The following MFHAS1 variants were observed in gnomAD, a reference collection of about 807,000 sequenced individuals.
MFHAS1 encodes the protein malignant fibrous histiocytoma-amplified sequence 1.
Under a neutral mutation model 70.4 loss-of-function variants are expected in MFHAS1, and 50 were observed. The observed-to-expected ratio is 0.71, with a 90% confidence interval of 0.57 to 0.90. The LOEUF is 0.90. Among genes scored for constraint, MFHAS1 ranks in the 40% least tolerant of loss-of-function variants. MFHAS1 has a pLI of 0.00. For missense variants in MFHAS1, 1,795 were observed against 1,347.6 expected (o/e 1.33, Z -5.20); for synonymous variants, 952 against 620.0 (o/e 1.54, Z -7.96).
At chr8:8,790,525 A>T in intron 2 of MFHAS1, 9 of 270,296 alleles carry the variant, frequency 3.3e-5, no homozygotes, top group Non-Finnish European at 5.1e-5. Flanking sequence ...TTGTTAAAAC[A>T]GCAAGGCAAA....
At chr8:8,846,679 C>T (rs927844504) in intron 1 of MFHAS1, among the ~76,000 whole-genome samples, 6 of 152,036 alleles carry the variant, frequency 3.9e-5, no homozygotes, top group Admixed American at 2.0e-4. Flanking sequence ...ACAGCTGTCT[C>T]GGGGCCTCTG....
chr8:8,867,008 G>A (rs555247944), intron 1 of MFHAS1, among the ~76,000 whole-genome samples: 6 of 151,802 alleles, frequency 4.0e-5, no homozygotes, highest in Admixed American at 2.6e-4. Flanking sequence ...GTGACAGTGG[G>A]AAAAAAAAGA....
chr8:8,880,677 CTTT>C lies in MFHAS1; in HGVS notation c.2998+9381_2998+9383del, dbSNP rs201122750. On this transcript the variant is annotated intron_variant, in intron 1 of 2. Transcript: ENST00000276282. ...TCGGTCTAGGGCAGGACATCCCTTC[CTTT>C]TTTGTTTTTTTTTTTTTTCCCCCAG... Among the ~76,000 whole-genome samples the C allele has an allele frequency of 4.5e-4, 64 of 142,818 alleles. 1 individual carries two copies. The highest frequency in any genetic ancestry group is 3.6e-4 in the Non-Finnish European group (24 of 66,662). 93.7% of individuals were successfully genotyped at this position (142,818 alleles called of 152,430 possible). A position where few individuals can be genotyped will look rare whatever the true frequency, so the allele number is the denominator to read the frequency against.
intron 1 of MFHAS1, among the ~76,000 whole-genome samples, chr8:8,822,773 G>C (rs978594574): frequency 1.1e-4 from 16 of 149,228 alleles, no homozygotes; most frequent in Middle Eastern, 3.5e-3. Flanking sequence ...CTGAGATGGT[G>C]ACAGGGAACC....
At chr8:8,812,400 G>A (rs1585029019) in intron 1 of MFHAS1, among the ~76,000 whole-genome samples, 2 of 152,134 alleles carry the variant, frequency 1.3e-5, no homozygotes, top group African/African-American at 4.8e-5. Context: ...CACATCTCTG[G>A]AGATCTTTCT....
intron 2 of MFHAS1, among the ~76,000 whole-genome samples, chr8:8,791,192 C>G (rs1805709482): frequency 7.0e-6 from 1 of 142,406 alleles, no homozygotes; most frequent in South Asian, 2.5e-4. Flanking sequence ...GAACTAACTT[C>G]TTCAGTCTCA....
At chr8:8,797,344 A>C in intron 2 of MFHAS1, 21 bp downstream of exon 2, 1 of 1,612,358 alleles carries the variant, frequency 6.2e-7, no homozygotes, top group South Asian at 1.1e-5. Context: ...TCCCGGGGCC[A>C]GAGGGACTTT....
At chr8:8,830,863 C>G (rs1156277153) in intron 1 of MFHAS1, among the ~76,000 whole-genome samples, 3 of 152,178 alleles carry the variant, frequency 2.0e-5, no homozygotes, top group Non-Finnish European at 2.9e-5. Flanking sequence ...TCCCAAAGTG[C>G]TGGGATTACA....
chr8:8,794,994 C>T (rs11985640), intron 2 of MFHAS1, among the ~76,000 whole-genome samples: 31,734 of 152,108 alleles, frequency 0.21, 3,672 homozygotes, highest in African/African-American at 0.29. Flanking sequence ...GGCTTGGTGC[C>T]AGGAAGGTTT....
intron 1 of MFHAS1, among the ~76,000 whole-genome samples, chr8:8,887,855 A>C (rs376442436): frequency 0.012 from 1,661 of 143,348 alleles, 43 homozygotes; most frequent in African/African-American, 0.042. Context: ...GTTAGCAAAA[A>C]AAACAAAAAA....
intron 1 of MFHAS1, among the ~76,000 whole-genome samples, chr8:8,842,562 C>T (rs776705327): frequency 1.3e-5 from 2 of 152,074 alleles, no homozygotes; most frequent in African/African-American, 2.4e-5. Flanking sequence ...ACAGGACGCA[C>T]GTGTAAATCG....
chr8:8,797,580 CA>C (rs1411671728), intron 1 of MFHAS1, 89 bp from the exon 2 acceptor site: 4 of 1,433,346 alleles, frequency 2.8e-6, no homozygotes, highest in Non-Finnish European at 3.8e-6. Context: ...GGGATGGGGG[CA>C]GGGGGAGAAG....
At chr8:8,840,979 C>T (rs944716623) in intron 1 of MFHAS1, among the ~76,000 whole-genome samples, 4 of 152,134 alleles carry the variant, frequency 2.6e-5, no homozygotes, top group African/African-American at 9.7e-5. Flanking sequence ...CAAACTATGA[C>T]ATTGTATGTA....
chr8:8,869,617 T>C (rs952766492), intron 1 of MFHAS1, among the ~76,000 whole-genome samples: 1 of 152,202 alleles, frequency 6.6e-6, no homozygotes, highest in Admixed American at 6.5e-5. Context: ...ACGACCCTAA[T>C]AAACCAATTA....
At chr8:8,840,310 A>G (rs1318938139) in intron 1 of MFHAS1, among the ~76,000 whole-genome samples, 1 of 152,160 alleles carries the variant, frequency 6.6e-6, no homozygotes, top group Non-Finnish European at 1.5e-5. Context: ...TACAAAAATT[A>G]GCCAGGTATG....
intron 1 of MFHAS1, among the ~76,000 whole-genome samples, chr8:8,823,393 C>T (rs1585035720): frequency 6.6e-6 from 1 of 152,084 alleles, no homozygotes; most frequent in Admixed American, 6.6e-5. Flanking sequence ...CACGGGGCCC[C>T]GCGCTCCGAT....
chr8:8,831,905 C>A (rs187906367), intron 1 of MFHAS1, among the ~76,000 whole-genome samples: 1 of 152,252 alleles, frequency 6.6e-6, no homozygotes, highest in African/African-American at 2.4e-5. Context: ...AGCTACCGCC[C>A]CCAGCCGTCA....
intron 1 of MFHAS1, among the ~76,000 whole-genome samples, chr8:8,847,674 T>C (rs775485366): frequency 2.0e-5 from 3 of 152,210 alleles, no homozygotes; most frequent in Non-Finnish European, 2.9e-5. Context: ...GACAGACGTA[T>C]AAAACAATTT....
chr8:8,824,687 TA>T (rs1337268767), intron 1 of MFHAS1, among the ~76,000 whole-genome samples: 1 of 152,154 alleles, frequency 6.6e-6, no homozygotes, highest in Non-Finnish European at 1.5e-5. Flanking sequence ...AGATCATCTC[TA>T]AAAGATAAAC....
Sources: gnomAD v4.1 joint callset for allele counts (sites outside exome capture counted in the v4.1 genomes callset) on GRCh38, gnomAD v4.1.1 for gene constraint, MANE v1.5 for transcripts, NCBI Gene and HGNC (gene_info 2026-07-23, HGNC 2026-07-21) for gene names.